STK10: variants seen among roughly 807,000 people sequenced by gnomAD.
STK10 encodes serine/threonine kinase 10.
A neutral mutation model predicts 113.8 loss-of-function variants in STK10; 78 were observed. The observed-to-expected ratio is 0.69, with a 90% CI of 0.57 to 0.83. The LOEUF (loss-of-function observed/expected upper bound fraction) is 0.83, where lower values mean the gene tolerates loss of function less well. Among genes scored for constraint, STK10 ranks in the 40% least tolerant of loss-of-function variants. The pLI is 0.00. For missense variants in STK10, 1,109 were observed against 1,280.1 expected (o/e 0.87, Z 2.04); for synonymous variants, 465 against 494.7 (o/e 0.94, Z 0.80).
intron 7 of STK10, among the ~76,000 whole-genome samples, chr5:172,104,758 G>C (rs577142532): frequency 6.6e-6 from 1 of 152,136 alleles, no homozygotes; most frequent in Non-Finnish European, 1.5e-5. Flanking sequence ...AGAGTGGCCC[G>C]CTCTGCCTAA....
At chr5:172,090,411 C>A in intron 9 of STK10, 49 bp from the exon 10 acceptor site, 1 of 1,591,486 alleles carries the variant, frequency 6.3e-7, no homozygotes, top group East Asian at 2.3e-5. Context: ...AGCTAAGGAC[C>A]CATGGCTGTC....
chr5:172,162,617 G>C (rs1297994131), intron 1 of STK10, among the ~76,000 whole-genome samples: 1 of 152,142 alleles, frequency 6.6e-6, no homozygotes, highest in Non-Finnish European at 1.5e-5. Context: ...ACCCAGAAGA[G>C]AGGTTACACC....
chr5:172,184,479 G>T (rs934362524), intron 1 of STK10, among the ~76,000 whole-genome samples: 1 of 152,070 alleles, frequency 6.6e-6, no homozygotes, highest in East Asian at 1.9e-4. Flanking sequence ...TTAGGTCAGA[G>T]GGGTACATGC....
intron 4 of STK10, among the ~76,000 whole-genome samples, chr5:172,110,799 C>T (rs912950532): frequency 2.6e-5 from 4 of 152,112 alleles, no homozygotes; most frequent in African/African-American, 9.7e-5. Context: ...AAATGACAAA[C>T]GCAAAGCACT....
chr5:172,074,967 C>A (rs556213805), intron 12 of STK10, among the ~76,000 whole-genome samples: 1 of 151,802 alleles, frequency 6.6e-6, no homozygotes. Flanking sequence ...TGCAAGTAAG[C>A]TGAGATTGCA....
rs370254392 is a variant in STK10 at position 172,106,246 on chromosome 5, C to A, written c.788+374G>T. ...GGCAACATAGGAGACCTTGTCTCTA[C>A]AGAAAATTAGCCAGGCATGGTGGTG... is the stretch of plus-strand genomic sequence containing the variant. On this transcript the variant is annotated intron_variant, in intron 6 of 18. Transcript: ENST00000176763. 4.6e-5 allele frequency among the ~76,000 whole-genome samples: 7 copies of A among 151,486 alleles called. No individual in the cohort carries two copies. The East Asian group carries it at 7.8e-4, about 17-fold the overall frequency.
chr5:172,108,107 C>T (rs998250411), intron 4 of STK10: 5 of 385,532 alleles, frequency 1.3e-5, no homozygotes, highest in Non-Finnish European at 2.4e-5. Flanking sequence ...TAGCAAGAAC[C>T]TTTAAAATAC....
Position 172,055,608 on chromosome 5 carries a change from G to A in STK10, c.2506C>T (p.Gln836Ter). Residue 836 changes from glutamine (Q) to a stop codon, truncating the protein, a stop_gained, in exon 16 of 19, where the codon CAG becomes TAG. Transcript: ENST00000176763. LOFTEE classifies it high-confidence loss of function. ...HINGGGSAAE[Q>*]REKIKQFSQQ... The stretch of plus-strand genomic sequence containing the variant: ...CCCACCTGCTTGATCTTCTCACGCT[G>A]CTCAGCTGCGCTGCCCCCGCCGTTG... The A allele has an allele frequency of 6.5e-7, 1 of 1,529,056 alleles. No individual in the cohort carries two copies. The highest frequency in any genetic ancestry group is 8.8e-7 in the Non-Finnish European group (1 of 1,132,772). 94.7% of individuals were successfully genotyped at this position (1,529,056 alleles called of 1,614,324 possible).
intron 1 of STK10, among the ~76,000 whole-genome samples, chr5:172,170,473 G>C (rs190000319): frequency 5.9e-5 from 9 of 152,298 alleles, no homozygotes; most frequent in Admixed American, 5.9e-4. Context: ...TTCAGAACAA[G>C]TGACATGTAA....
At chr5:172,164,665 G>A (rs1770532985) in intron 1 of STK10, among the ~76,000 whole-genome samples, 1 of 152,138 alleles carries the variant, frequency 6.6e-6, no homozygotes, top group Non-Finnish European at 1.5e-5. Context: ...GAGGATGGAT[G>A]GTGAAATGAT....
intron 15 of STK10, 107 bp from the exon 16 acceptor site, chr5:172,055,883 A>G: frequency 1.1e-6 from 1 of 908,712 alleles, no homozygotes; most frequent in Non-Finnish European, 1.5e-6. Context: ...GGACCAACGC[A>G]GCCCACAATG....
chr5:172,105,861 A>G (rs1037927587), intron 6 of STK10, 124 bp from the exon 7 acceptor site: 2 of 781,076 alleles, frequency 2.6e-6, no homozygotes, highest in South Asian at 1.5e-5. Context: ...CACAAGCTAA[A>G]ACAGTGACAG....
intron 2 of STK10, among the ~76,000 whole-genome samples, chr5:172,140,355 G>A (rs550597481): frequency 6.6e-6 from 1 of 152,138 alleles, no homozygotes; most frequent in African/African-American, 2.4e-5. Context: ...TATACAAAAC[G>A]GTGCAGCTGC....
At chr5:172,111,548 C>A (rs1353614158) in intron 4 of STK10, among the ~76,000 whole-genome samples, 1 of 152,206 alleles carries the variant, frequency 6.6e-6, no homozygotes, top group Non-Finnish European at 1.5e-5. Context: ...CCTGTTTGCT[C>A]CCTCCGCAGA....
intron 4 of STK10, among the ~76,000 whole-genome samples, chr5:172,109,990 G>A (rs1287488164): frequency 6.6e-6 from 1 of 152,232 alleles, no homozygotes; most frequent in Non-Finnish European, 1.5e-5. Context: ...GCAGCACAAT[G>A]CCAAGAGGCT....
At chr5:172,083,925 GAAAAAAA>G (rs58326550) in intron 10 of STK10, among the ~76,000 whole-genome samples, 1 of 85,768 alleles carries the variant, frequency 1.2e-5, no homozygotes, top group African/African-American at 3.5e-5. Context: ...ACAAAAAAAA[GAAAAAAA>G]AAAAAAAAAA....
intron 7 of STK10, among the ~76,000 whole-genome samples, chr5:172,102,059 G>A (rs991311057): frequency 2.6e-5 from 4 of 152,112 alleles, no homozygotes; most frequent in Non-Finnish European, 5.9e-5. Context: ...GCTTTGGCCC[G>A]GGGAGGACAT....
At position 172,129,128 on chromosome 5, in the gene STK10, C is replaced by G. The variant is rs539164465; in HGVS notation, c.322-1707G>C. Among the ~76,000 whole-genome samples, 102 of 152,302 alleles carry G rather than the reference C, an allele frequency of 6.7e-4. 2 individuals carry two copies. The South Asian group carries it at 0.02, about 30-fold the overall frequency. ...AAATGGGGCTGCTGATGCTGTTGCT[C>G]TGAACTGGGACCCCATGGCTGGGCT... On this transcript the variant is annotated intron_variant, in intron 2 of 18. Coordinates refer to ENST00000176763, the MANE Select transcript of STK10 (RefSeq NM_005990.4).
chr5:172,070,621 A>G (rs1044678970), intron 12 of STK10, among the ~76,000 whole-genome samples: 1 of 152,126 alleles, frequency 6.6e-6, no homozygotes, highest in African/African-American at 2.4e-5. Flanking sequence ...ACCCAAGACT[A>G]ATATAACAGC....
Sources: allele counts gnomAD v4.1 joint callset (sites outside exome capture counted in the v4.1 genomes callset), GRCh38; gene constraint gnomAD v4.1.1; transcripts MANE v1.5; gene names NCBI Gene and HGNC (gene_info 2026-07-23, HGNC 2026-07-21).